Variants in GIPC3 observed in about 807,000 individuals in gnomAD.
GIPC3 encodes the protein GIPC PDZ domain containing family member 3.
GIPC3 carries 16 observed loss-of-function variants against 27.3 expected under a neutral mutation model. That is an observed-to-expected ratio of 0.59 (90% confidence interval 0.40 to 0.89). The LOEUF is 0.89. GIPC3 is among the 40% of genes least tolerant of loss of function. GIPC3 has a pLI of 0.00. For synonymous variants in GIPC3, 194 were observed against 184.6 expected (o/e 1.05, Z -0.41); for missense variants, 440 against 442.1 (o/e 1.00, Z 0.04).
rs2032379557 is a variant in GIPC3 at position 3,586,963 on chromosome 19, C to T, written c.561C>T (p.Thr187=). Residue 187 remains threonine, a synonymous_variant, in exon 3 of 6, where the codon ACC becomes ACT. Transcript: ENST00000644452. ...AGCTGCCCAAGTCCCAGCCCTTCAC[C>T]CTGCGCCTGGTGCAGCCCAAGAGGG... ...LRELPKSQPF[T]LRLVQPKRAF... 2 of 1,612,892 alleles carry T rather than the reference C, an allele frequency of 1.2e-6. No homozygotes were observed. Among genetic ancestry groups the T allele is most frequent in the African/African-American group, 1.3e-5 (1 of 74,922 alleles).
In GIPC3 at chr19:3,589,488, C is replaced by T. The variant is rs367979198; in HGVS notation, c.638C>T (p.Ala213Val). The stretch of plus-strand genomic sequence containing the variant: ...CGGTCCAGCAAATGTCCAGTAGAGG[C>T]GAAAGTGACCAGCGGGAGGGAGACC... Reference protein sequence around the residue: ...RSRSSKCPVEAKVTSGRETLR... With the variant: ...RSRSSKCPVEVKVTSGRETLR... Residue 213 changes from alanine (A) to valine (V), a missense_variant, in exon 4 of 6, where the codon GCG becomes GTG. Transcript: ENST00000644452. 125 of 1,613,952 alleles carry T rather than the reference C, an allele frequency of 7.7e-5. No individual in the cohort carries two copies. Among genetic ancestry groups the T allele is most frequent in the Non-Finnish European group, 9.4e-5 (111 of 1,180,000 alleles).
chr19:3,585,928 C>A, intron 1 of GIPC3, 106 bp downstream of exon 1: 2 of 1,455,332 alleles, frequency 1.4e-6, no homozygotes, highest in South Asian at 2.5e-5. Context: ...TCCCAGACGT[C>A]GGGGTGGCCG....
Position 3,585,730 on chromosome 19 carries a change from C to T in GIPC3, c.133C>T (p.His45Tyr). The T allele has an allele frequency of 6.5e-7, 1 of 1,533,444 alleles. No individual in the cohort carries two copies. The allele number at this position is 1,533,444 out of a possible 1,614,324, so 95.0% of individuals were successfully genotyped here. The change falls in exon 1 of 6, where the codon CAC becomes TAC. Residue 45 changes from histidine (H) to tyrosine (Y), a missense_variant. By Grantham distance (83) the His-to-Tyr change is moderately conservative. Coordinates refer to ENST00000644452, the MANE Select transcript of GIPC3 (RefSeq NM_133261.3). ...CCTCGTCTTCCGCACGCAGCTGGCG[C>T]ACGGGAGCCCCACGGGCAAGATCGA... is the stretch of plus-strand genomic sequence containing the variant. ...PRLVFRTQLAHGSPTGKIEGF... is the reference protein window; with the variant it reads ...PRLVFRTQLAYGSPTGKIEGF...
rs368101606 is a variant in GIPC3 at position 3,589,777 on chromosome 19, G to T, written c.706-54G>T. Reference sequence around the variant, plus strand: ...AGGGGTGGGGGTCGGGAGGGGGCTGGGCTGGAGGGCTCCAAAGCTTTTCAC... The same window carrying T: ...AGGGGTGGGGGTCGGGAGGGGGCTGTGCTGGAGGGCTCCAAAGCTTTTCAC... On this transcript the variant is annotated intron_variant, in intron 4 of 5. Transcript: ENST00000644452. The T allele has an allele frequency of 8.6e-5, 136 of 1,572,486 alleles. 1 individual carries two copies. The East Asian group carries it at 1.3e-3, about 14-fold the overall frequency.
chr19:3,592,469 T>G lies in GIPC3; in HGVS notation c.*2279T>G. ...CCAGCTCCAGAACTCAGACTAGTTC[T>G]GGAAACCAGCTCAGCTCCGGGACCC... On this transcript the variant is annotated 3_prime_UTR_variant, in exon 6 of 6. Coordinates refer to ENST00000644452, the MANE Select transcript of GIPC3 (RefSeq NM_133261.3). 8.1e-7 allele frequency: 1 copy of G among 1,231,936 alleles called. No homozygotes were observed. Among genetic ancestry groups the G allele is most frequent in the Non-Finnish European group, 1.0e-6 (1 of 987,970 alleles). The allele number at this position is 1,231,936 out of a possible 1,614,324, so 76.3% of individuals were successfully genotyped here.
intron 1 of GIPC3, 115 bp from the exon 2 acceptor site, chr19:3,586,380 C>A: frequency 3.2e-6 from 3 of 929,074 alleles, no homozygotes; most frequent in Non-Finnish European, 5.1e-6. Flanking sequence ...CCACGCCCTG[C>A]CCTTTCCCAT....
intron 4 of GIPC3, 36 bp downstream of exon 4, chr19:3,589,591 C>CA: frequency 6.6e-7 from 1 of 1,523,356 alleles, no homozygotes; most frequent in Admixed American, 1.7e-5. Flanking sequence ...CAGGCTTCTG[C>CA]ACCTTCAGCT....
chr19:3,592,404 C>T lies in GIPC3; in HGVS notation c.*2214C>T. 1 of 1,232,044 alleles carries T rather than the reference C, an allele frequency of 8.1e-7. No homozygotes were observed. Among genetic ancestry groups the T allele is most frequent in the East Asian group, 3.2e-5 (1 of 31,706 alleles). The allele number at this position is 1,232,044 out of a possible 1,614,324, so 76.3% of individuals were successfully genotyped here. ...AAGAATTCAAGCCAGCTCTGGAAGTCAGCTTAGTTCGGGAACCCAGCTGAT... is the reference window on the plus strand; with the variant it reads ...AAGAATTCAAGCCAGCTCTGGAAGTTAGCTTAGTTCGGGAACCCAGCTGAT... On this transcript the variant is annotated 3_prime_UTR_variant, in exon 6 of 6. Transcript: ENST00000644452.
intron 1 of GIPC3, 49 bp from the exon 2 acceptor site, chr19:3,586,446 G>C (rs772231927): frequency 7.7e-6 from 12 of 1,552,706 alleles, no homozygotes; most frequent in South Asian, 4.5e-5. Flanking sequence ...GTGGCTGCGT[G>C]GGGGGATGCA....
At position 3,590,629 on chromosome 19, in the gene GIPC3, G is replaced by C. The variant is rs1347088043; in HGVS notation, c.*439G>C. On this transcript the variant is annotated 3_prime_UTR_variant, in exon 6 of 6. Coordinates refer to ENST00000644452, the MANE Select transcript of GIPC3 (RefSeq NM_133261.3). ...CAGATGGGCTCTGAGACCATGCCCA[G>C]CTCTAGAACTCAGATGGGCTCTGAG... 1.8e-5 allele frequency: 22 copies of C among 1,251,600 alleles called. No individual in the cohort carries two copies. Among genetic ancestry groups the C allele is most frequent in the Non-Finnish European group, 9.0e-6 (9 of 995,898 alleles). The allele number at this position is 1,251,600 out of a possible 1,614,324, so 77.5% of individuals were successfully genotyped here. A position where few individuals can be genotyped will look rare whatever the true frequency, so the allele number is the denominator to read the frequency against.
At chr19:3,587,214 T>C (rs1447131960) in intron 3 of GIPC3, among the ~76,000 whole-genome samples, 1 of 151,924 alleles carries the variant, frequency 6.6e-6, no homozygotes, top group Non-Finnish European at 1.5e-5. Flanking sequence ...CTGGGTAAAG[T>C]GGAGTTGGAG....
At chr19:3,587,422 C>T (rs1301797993) in intron 3 of GIPC3, among the ~76,000 whole-genome samples, 2 of 152,036 alleles carry the variant, frequency 1.3e-5, no homozygotes, top group African/African-American at 4.8e-5. Context: ...GCTGGGACTA[C>T]AGGCACCCAC....
Position 3,590,240 on chromosome 19 carries a change from G to T in GIPC3, c.*50G>T. On this transcript the variant is annotated 3_prime_UTR_variant, in exon 6 of 6. Coordinates refer to ENST00000644452, the MANE Select transcript of GIPC3 (RefSeq NM_133261.3). ...GCCCCAGCCCGGAGCCCAGCCCCCT[G>T]CCCCGGCCCTGCTCCAGAACCCAGC... 6.5e-7 allele frequency: 1 copy of T among 1,546,776 alleles called. No homozygotes were observed. Among genetic ancestry groups the T allele is most frequent in the Non-Finnish European group, 8.7e-7 (1 of 1,144,944 alleles).
At chr19:3,589,705 G>A (rs550343148) in intron 4 of GIPC3, 126 bp from the exon 5 acceptor site, 3 of 1,118,392 alleles carry the variant, frequency 2.7e-6, no homozygotes, top group African/African-American at 3.1e-5. Flanking sequence ...AATGATGTTG[G>A]TACCAGCACT....
rs1424959654 is a variant in GIPC3, at chr19:3,592,345, G to T, written c.*2155G>T. On this transcript the variant is annotated 3_prime_UTR_variant, in exon 6 of 6. Coordinates refer to ENST00000644452, the MANE Select transcript of GIPC3 (RefSeq NM_133261.3). Reference sequence around the variant, plus strand: ...AGTTCTGAAAGTCAGCTTAGCTTTGGAACTCAGCCCAGCTCTGGGACCCAG... The same window carrying T: ...AGTTCTGAAAGTCAGCTTAGCTTTGTAACTCAGCCCAGCTCTGGGACCCAG... 3.2e-6 allele frequency: 4 copies of T among 1,231,814 alleles called. No individual in the cohort carries two copies. The highest frequency in any genetic ancestry group is 4.0e-6 in the Non-Finnish European group (4 of 987,954). The allele number at this position is 1,231,814 out of a possible 1,614,324, so 76.3% of individuals were successfully genotyped here.
In GIPC3 at chr19:3,593,053, C is replaced by T; in HGVS notation, c.*2863C>T. The T allele has an allele frequency of 8.1e-7, 1 of 1,232,388 alleles. No homozygotes were observed. The highest frequency in any genetic ancestry group is 1.0e-6 in the Non-Finnish European group (1 of 988,330). The allele number at this position is 1,232,388 out of a possible 1,614,324, so 76.3% of individuals were successfully genotyped here. A position where few individuals can be genotyped will look rare whatever the true frequency, so the allele number is the denominator to read the frequency against. On this transcript the variant is annotated 3_prime_UTR_variant, in exon 6 of 6. Transcript: ENST00000644452. ...GGCCCCATCCCAGGCTTACCCCAAG[C>T]CTCCTACCTGGCCCCACAGTCACAG...
chr19:3,589,983 G>A (rs1045095383), intron 5 of GIPC3, 56 bp from the exon 6 acceptor site: 16 of 1,613,166 alleles, frequency 9.9e-6, no homozygotes, highest in East Asian at 4.5e-5. Context: ...GGGTCCCAGC[G>A]GGAAGTTGGG....
Position 3,585,796 on chromosome 19 carries a change from GA to G in GIPC3, c.201del (p.Ala68ProfsTer29). 6.5e-7 allele frequency: 1 copy of G among 1,547,128 alleles called. No individual in the cohort carries two copies. Among genetic ancestry groups the G allele is most frequent in the Non-Finnish European group, 8.7e-7 (1 of 1,146,310 alleles). ...NVRELYAKIA[E>X]AFGIAPTEIL... ...CCGCGAGCTGTACGCCAAGATCGCC[GA>G]AGCCTTCGGGATCGCGCCCACCGAG... On this transcript the variant is annotated frameshift_variant, in exon 1 of 6. Coordinates refer to ENST00000644452, the MANE Select transcript of GIPC3 (RefSeq NM_133261.3). LOFTEE classifies it high-confidence loss of function.
Position 3,592,601 on chromosome 19 carries a change from C to A in GIPC3, c.*2411C>A. The A allele has an allele frequency of 8.1e-7, 1 of 1,231,960 alleles. No individual in the cohort carries two copies. The highest frequency in any genetic ancestry group is 1.0e-6 in the Non-Finnish European group (1 of 987,980). 76.3% of individuals were successfully genotyped at this position (1,231,960 alleles called of 1,614,324 possible). The stretch of plus-strand genomic sequence containing the variant: ...CTGAGGCTCAGTCCAGCTCTGGAAC[C>A]CAGTTCAGTTCTGGGATTCAGTTTG... On this transcript the variant is annotated 3_prime_UTR_variant, in exon 6 of 6. Coordinates refer to ENST00000644452, the MANE Select transcript of GIPC3 (RefSeq NM_133261.3).
Sources: allele counts gnomAD v4.1 joint callset (sites outside exome capture counted in the v4.1 genomes callset), GRCh38; gene constraint gnomAD v4.1.1; transcripts MANE v1.5; gene names NCBI Gene and HGNC (gene_info 2026-07-23, HGNC 2026-07-21).